Variants in CRADD observed in about 807,000 individuals in gnomAD.
CRADD encodes CARD and death domain containing adaptor protein, also known as death domain-containing protein CRADD.
A neutral mutation model predicts 15.5 loss-of-function variants in CRADD; 9 were observed. That is an observed-to-expected ratio of 0.58 (90% confidence interval 0.35 to 1.01). The LOEUF (loss-of-function observed/expected upper bound fraction) is 1.01. Among genes scored for constraint, CRADD ranks in the 50% least tolerant of loss-of-function variants. The probability of loss-of-function intolerance (pLI) is 0.02; values close to 1 mark genes in which losing one functional copy is unlikely to be tolerated. For missense variants in CRADD, 227 were observed against 250.3 expected (o/e 0.91, Z 0.63); for synonymous variants, 118 against 107.6 (o/e 1.10, Z -0.60).
intron 2 of CRADD, among the ~76,000 whole-genome samples, chr12:93,845,215 T>C (rs1043798972): frequency 1.3e-5 from 2 of 152,078 alleles, no homozygotes; most frequent in Non-Finnish European, 2.9e-5. Flanking sequence ...GAAGTGTTCA[T>C]GGAAAGCAGC....
intron 2 of CRADD, among the ~76,000 whole-genome samples, chr12:93,817,354 G>T (rs1329151161): frequency 6.6e-6 from 1 of 152,208 alleles, no homozygotes; most frequent in Admixed American, 6.5e-5. Flanking sequence ...GACAGGGAAC[G>T]TGGAGCTTAA....
intron 2 of CRADD, among the ~76,000 whole-genome samples, chr12:93,747,720 C>T (rs187742951): frequency 2.9e-3 from 436 of 152,248 alleles, no homozygotes; most frequent in Non-Finnish European, 3.9e-3. Context: ...CCTGCCTTGG[C>T]CTTCCAAGGT....
intron 2 of CRADD, among the ~76,000 whole-genome samples, chr12:93,875,938 G>A (rs1370416421): frequency 2.0e-5 from 3 of 152,116 alleles, no homozygotes; most frequent in South Asian, 2.1e-4. Context: ...ACTTAGTAAT[G>A]TTCCTTCCTT....
chr12:93,795,081 G>A (rs1469649479), intron 2 of CRADD, among the ~76,000 whole-genome samples: 4 of 152,092 alleles, frequency 2.6e-5, no homozygotes, highest in Admixed American at 2.6e-4. Context: ...AAGCATTTGT[G>A]TTTATGTATT....
intron 2 of CRADD, among the ~76,000 whole-genome samples, chr12:93,825,009 T>C (rs902257256): frequency 6.6e-6 from 1 of 152,216 alleles, no homozygotes; most frequent in African/African-American, 2.4e-5. Context: ...AAGTTTTTGC[T>C]GTTGGTATTT....
chr12:93,764,050 A>G (rs1436974567), intron 2 of CRADD, among the ~76,000 whole-genome samples: 1 of 152,242 alleles, frequency 6.6e-6, no homozygotes, highest in Non-Finnish European at 1.5e-5. Flanking sequence ...GTGAAGAGCC[A>G]GCCAGGGTCC....
At chr12:93,719,703 AG>A (rs1195085045) in intron 2 of CRADD, among the ~76,000 whole-genome samples, 1 of 152,116 alleles carries the variant, frequency 6.6e-6, no homozygotes, top group African/African-American at 2.4e-5. Context: ...GTTCCTTTTC[AG>A]GTATGTTATC....
At chr12:93,692,396 A>G (rs900815646) in intron 2 of CRADD, among the ~76,000 whole-genome samples, 1 of 152,188 alleles carries the variant, frequency 6.6e-6, no homozygotes, top group African/African-American at 2.4e-5. Flanking sequence ...ATTAGATTCA[A>G]TCCAAACAAG....
chr12:93,744,190 G>A (rs964072754), intron 2 of CRADD, among the ~76,000 whole-genome samples: 1 of 152,218 alleles, frequency 6.6e-6, no homozygotes, highest in African/African-American at 2.4e-5. Flanking sequence ...CTGAAGTAAA[G>A]GGAGCAGCAG....
chr12:93,893,914 A>G, intron 2 of CRADD: 2 of 626,540 alleles, frequency 3.2e-6, no homozygotes, highest in Non-Finnish European at 5.7e-6. Flanking sequence ...AAGAAAAAAA[A>G]AAAAATAAGC....
At chr12:93,881,439 TGGG>T (rs11331682) in intron 2 of CRADD, among the ~76,000 whole-genome samples, 3 of 90,206 alleles carry the variant, frequency 3.3e-5, no homozygotes, top group South Asian at 4.6e-4. Context: ...AAAAAAAGTG[TGGG>T]GGGGGGGTGG....
chr12:93,876,880 T>A (rs1366897599), intron 2 of CRADD, among the ~76,000 whole-genome samples: 1 of 152,212 alleles, frequency 6.6e-6, no homozygotes, highest in Admixed American at 6.5e-5. Context: ...TGTTGATAGA[T>A]GTTCTTTAGT....
chr12:93,846,226 C>T (rs1318601475), intron 2 of CRADD, among the ~76,000 whole-genome samples: 1 of 152,162 alleles, frequency 6.6e-6, no homozygotes, highest in East Asian at 1.9e-4. Flanking sequence ...TTGTGAATAA[C>T]GCTGCTATGA....
At chr12:93,883,570 C>A (rs566081101) in intron 2 of CRADD, among the ~76,000 whole-genome samples, 28 of 152,230 alleles carry the variant, frequency 1.8e-4, no homozygotes, top group African/African-American at 6.3e-4. Context: ...GTAATCCCAG[C>A]ACTTTAGAAG....
chr12:93,679,409 T>C (rs994955806), intron 2 of CRADD, among the ~76,000 whole-genome samples: 13 of 152,168 alleles, frequency 8.5e-5, no homozygotes, highest in African/African-American at 2.7e-4. Flanking sequence ...CCCAAAGTGC[T>C]GGGATTACAG....
At chr12:93,819,867 C>T (rs73365220) in intron 2 of CRADD, among the ~76,000 whole-genome samples, 3,258 of 152,324 alleles carry the variant, frequency 0.021, 121 homozygotes, top group African/African-American at 0.074. Context: ...AAAGAATACT[C>T]CAGATTTCGA....
rs75883581 is a variant in CRADD, at chr12:93,801,228, T to C, written c.299-48742T>C. Reference sequence around the variant, plus strand: ...TTATCAACCTTTCACAATGGTTTAATGTTTATTGATAACTGCCAAATTCCA... The same window carrying C: ...TTATCAACCTTTCACAATGGTTTAACGTTTATTGATAACTGCCAAATTCCA... On this transcript the variant is annotated intron_variant, in intron 2 of 2. Coordinates refer to ENST00000332896, the MANE Select transcript of CRADD (RefSeq NM_003805.5). Among the ~76,000 whole-genome samples the C allele has an allele frequency of 8.8e-3, 1,344 of 152,334 alleles. 18 individuals are homozygous for C. The highest frequency in any genetic ancestry group is 0.03 in the African/African-American group (1,247 of 41,576).
chr12:93,830,337 T>C (rs1427735779), intron 2 of CRADD, among the ~76,000 whole-genome samples: 3 of 152,226 alleles, frequency 2.0e-5, no homozygotes, highest in Non-Finnish European at 4.4e-5. Context: ...TAGAACAGTG[T>C]TGGTCAAACC....
rs73359674 is a variant in CRADD at position 93,698,263 on chromosome 12, T to G, written c.298+19191T>G. ...TTCAGAAGCCCACTCTTTGCTAAAC[T>G]CCAGTTACTTCTAGAACTGGACACT... is the stretch of plus-strand genomic sequence containing the variant. On this transcript the variant is annotated intron_variant, in intron 2 of 2. Coordinates refer to ENST00000332896, the MANE Select transcript of CRADD (RefSeq NM_003805.5). Among the ~76,000 whole-genome samples the G allele has an allele frequency of 5.3e-3, 807 of 152,276 alleles. 3 individuals are homozygous for G. The highest frequency in any genetic ancestry group is 0.018 in the African/African-American group (762 of 41,554).
Sources: gnomAD v4.1 joint callset for allele counts (sites outside exome capture counted in the v4.1 genomes callset) on GRCh38, gnomAD v4.1.1 for gene constraint, MANE v1.5 for transcripts, NCBI Gene and HGNC (gene_info 2026-07-23, HGNC 2026-07-21) for gene names.